RGS17: variants seen among roughly 807,000 people sequenced by gnomAD.
RGS17 encodes regulator of G protein signaling 17.
A neutral mutation model predicts 25.5 loss-of-function variants in RGS17; 12 were observed. That is an observed-to-expected ratio of 0.47 (90% confidence interval 0.30 to 0.76). RGS17 has a LOEUF of 0.76. RGS17 is among the 30% of genes least tolerant of loss of function. RGS17 has a pLI of 0.07. For missense variants in RGS17, 196 were observed against 242.2 expected (o/e 0.81, Z 1.27); for synonymous variants, 71 against 76.9 (o/e 0.92, Z 0.40).
chr6:153,032,476 A>G (rs182426774), intron 2 of RGS17, among the ~76,000 whole-genome samples: 2 of 152,190 alleles, frequency 1.3e-5, no homozygotes, highest in Non-Finnish European at 2.9e-5. Context: ...ATATCTGTCC[A>G]CTAGATGGCT....
Position 153,010,335 on chromosome 6 carries a change from T to G in RGS17, c.*1239A>C, listed in dbSNP as rs1201865049. ...TCAGGCAAGTGTTTTGTCGTAAAGA[T>G]TTAGTGTACTTATAAAAAATAATAT... is the stretch of plus-strand genomic sequence containing the variant. On this transcript the variant is annotated 3_prime_UTR_variant, in exon 5 of 5. Coordinates refer to ENST00000206262, the MANE Select transcript of RGS17 (RefSeq NM_012419.5). 1 of 152,040 alleles carries G rather than the reference T, an allele frequency of 6.6e-6. No homozygotes were observed. Among genetic ancestry groups the G allele is most frequent in the Non-Finnish European group, 1.5e-5 (1 of 67,876 alleles). The allele number at this position is 152,040 out of a possible 1,614,324, so 9.4% of individuals were successfully genotyped here. A position where few individuals can be genotyped will look rare whatever the true frequency, so the allele number is the denominator to read the frequency against.
intron 1 of RGS17, among the ~76,000 whole-genome samples, chr6:153,084,068 C>T (rs1033134362): frequency 2.6e-5 from 4 of 152,088 alleles, no homozygotes; most frequent in African/African-American, 7.2e-5. Flanking sequence ...TGACTATTTC[C>T]TTTATTTAGC....
At chr6:153,129,090 A>T (rs1562341877) in intron 1 of RGS17, among the ~76,000 whole-genome samples, 1 of 152,236 alleles carries the variant, frequency 6.6e-6, no homozygotes, top group East Asian at 1.9e-4. Flanking sequence ...TGCCATGGAG[A>T]TTTATCTTAT....
chr6:153,054,041 A>ACG (rs1562321537), intron 1 of RGS17, among the ~76,000 whole-genome samples: 6 of 70,464 alleles, frequency 8.5e-5, no homozygotes, highest in East Asian at 9.8e-4. Context: ...ATACATATAT[A>ACG]TGTATATATG....
intron 1 of RGS17, among the ~76,000 whole-genome samples, chr6:153,059,327 G>A (rs1338066): frequency 0.38 from 58,370 of 152,014 alleles, 11,895 homozygotes; most frequent in East Asian, 0.62. Context: ...GAGGCACCTT[G>A]TGTAGCTCAG....
chr6:153,012,581 C>T (rs1033882766), intron 4 of RGS17, among the ~76,000 whole-genome samples: 1 of 152,142 alleles, frequency 6.6e-6, no homozygotes, highest in African/African-American at 2.4e-5. Context: ...GGGAAAAATA[C>T]TTGGCAATAA....
At chr6:153,071,171 C>T (rs911811701) in intron 1 of RGS17, among the ~76,000 whole-genome samples, 1 of 149,574 alleles carries the variant, frequency 6.7e-6, no homozygotes, top group Non-Finnish European at 1.5e-5. Context: ...TACACACACT[C>T]ATATATATCT....
chr6:153,022,911 C>CA (rs2129106785), intron 4 of RGS17, among the ~76,000 whole-genome samples: 1 of 152,136 alleles, frequency 6.6e-6, no homozygotes, highest in South Asian at 2.1e-4. Context: ...CACTGTATTA[C>CA]ATTTATTAAA....
intron 1 of RGS17, among the ~76,000 whole-genome samples, chr6:153,114,314 T>C (rs992228987): frequency 1.3e-5 from 2 of 152,042 alleles, no homozygotes; most frequent in African/African-American, 2.4e-5. Context: ...TCTACACAAA[T>C]AAGCTAGAAA....
chr6:153,104,412 T>C (rs1323567483), intron 1 of RGS17, among the ~76,000 whole-genome samples: 2 of 151,972 alleles, frequency 1.3e-5, no homozygotes, highest in Non-Finnish European at 2.9e-5. Flanking sequence ...GAGCCAGGAG[T>C]GAAACCCAAG....
At chr6:153,080,376 A>T (rs951909504) in intron 1 of RGS17, among the ~76,000 whole-genome samples, 6 of 152,314 alleles carry the variant, frequency 3.9e-5, no homozygotes, top group Non-Finnish European at 7.3e-5. Flanking sequence ...TTCAATAATT[A>T]TAAGATTTAT....
At chr6:153,086,262 T>C (rs1187358676) in intron 1 of RGS17, among the ~76,000 whole-genome samples, 1 of 152,202 alleles carries the variant, frequency 6.6e-6, no homozygotes, top group Non-Finnish European at 1.5e-5. Flanking sequence ...TAAATTTTGA[T>C]GTAGTGGTTT....
chr6:153,049,605 G>A (rs937343342), intron 1 of RGS17, among the ~76,000 whole-genome samples: 22 of 151,988 alleles, frequency 1.4e-4, no homozygotes, highest in African/African-American at 5.3e-4. Flanking sequence ...CAAAAAATTA[G>A]CCAGGTGTGG....
chr6:153,085,543 C>T (rs1233411311), intron 1 of RGS17, among the ~76,000 whole-genome samples: 1 of 152,154 alleles, frequency 6.6e-6, no homozygotes, highest in Admixed American at 6.5e-5. Flanking sequence ...AGATAAGGGG[C>T]TTGCAAAAGA....
At position 153,069,816 on chromosome 6, in the gene RGS17, T is replaced by C. The variant is rs1322987651; in HGVS notation, c.-25-25773A>G. Among the ~76,000 whole-genome samples, 4 of 151,282 alleles carry C rather than the reference T, an allele frequency of 2.6e-5. No individual in the cohort carries two copies. The East Asian group carries it at 7.8e-4, about 29-fold the overall frequency. ...AAATTAAAAACTAAAAAAAAATTGTTGGAGAGGATTTATGGTCTTCTTTCA... is the reference window on the plus strand; with the variant it reads ...AAATTAAAAACTAAAAAAAAATTGTCGGAGAGGATTTATGGTCTTCTTTCA... On this transcript the variant is annotated intron_variant, in intron 1 of 4. Coordinates refer to ENST00000206262, the MANE Select transcript of RGS17 (RefSeq NM_012419.5).
At chr6:153,124,301 T>G (rs541792136) in intron 1 of RGS17, among the ~76,000 whole-genome samples, 28 of 152,290 alleles carry the variant, frequency 1.8e-4, no homozygotes, top group South Asian at 8.3e-4. Context: ...TCACACAGCC[T>G]AGCACATAGT....
intron 1 of RGS17, among the ~76,000 whole-genome samples, chr6:153,105,681 C>T (rs909508974): frequency 1.3e-5 from 2 of 151,520 alleles, no homozygotes; most frequent in Non-Finnish European, 2.9e-5. Flanking sequence ...ACATCTCATC[C>T]AGAGGTGACA....
intron 4 of RGS17, among the ~76,000 whole-genome samples, chr6:153,013,904 T>C (rs1240976696): frequency 2.0e-5 from 3 of 150,804 alleles, no homozygotes; most frequent in Admixed American, 6.6e-5. Context: ...CTCCATAACA[T>C]AAAAGTTCAA....
chr6:153,062,883 C>T (rs1280568222), intron 1 of RGS17, among the ~76,000 whole-genome samples: 3 of 152,112 alleles, frequency 2.0e-5, no homozygotes, highest in Non-Finnish European at 2.9e-5. Flanking sequence ...GCTAGACACA[C>T]CCTGGGCCAG....
Sources: allele counts gnomAD v4.1 joint callset (sites outside exome capture counted in the v4.1 genomes callset), GRCh38; gene constraint gnomAD v4.1.1; transcripts MANE v1.5; gene names NCBI Gene and HGNC (gene_info 2026-07-23, HGNC 2026-07-21).